The following SEC63 variants were observed in gnomAD, a reference collection of about 807,000 sequenced individuals.
SEC63 encodes the protein translocation protein SEC63 homolog.
In SEC63, 56 loss-of-function variants were observed where a neutral mutation model predicts 116.2. That is an observed-to-expected ratio of 0.48 (90% CI 0.39 to 0.60). SEC63 has a LOEUF of 0.60. Among genes scored for constraint, SEC63 ranks in the 20% least tolerant of loss-of-function variants. The probability of loss-of-function intolerance (pLI) is 0.00; values close to 1 mark genes in which losing one functional copy is unlikely to be tolerated. For missense variants in SEC63, 668 were observed against 900.0 expected, an observed-to-expected ratio of 0.74 and a Z score of 3.30; for synonymous variants, 273 against 294.6, an observed-to-expected ratio of 0.93 and a Z score of 0.75.
At chr6:107,935,185 G>C (rs915992097) in intron 1 of SEC63, among the ~76,000 whole-genome samples, 22 of 150,314 alleles carry the variant, frequency 1.5e-4, no homozygotes, top group African/African-American at 4.9e-4. Flanking sequence ...TCAGCCCCCC[G>C]CCCGGCCAGC....
rs1269802227 is a variant in SEC63 at position 107,871,366 on chromosome 6, C to CTG, written c.*336_*337dup. On this transcript the variant is annotated 3_prime_UTR_variant, in exon 21 of 21. Transcript: ENST00000369002. ...CAAAGAAAAGTCGCTCATTTACAGA[C>CTG]TGTGTTTCCTGCATCTTTACTTTTA... 1 of 260,952 alleles carries CTG rather than the reference C, an allele frequency of 3.8e-6. No homozygotes were observed. Among genetic ancestry groups the CTG allele is most frequent in the African/African-American group, 2.2e-5 (1 of 45,038 alleles). The allele number at this position is 260,952 out of a possible 1,614,324, so 16.2% of individuals were successfully genotyped here.
chr6:107,910,975 T>A (rs1787270694), intron 7 of SEC63, among the ~76,000 whole-genome samples: 1 of 152,160 alleles, frequency 6.6e-6, no homozygotes. Context: ...CCTCCCAATG[T>A]GCTGGGATTA....
At chr6:107,897,413 T>C (rs530492954) in intron 14 of SEC63, among the ~76,000 whole-genome samples, 22 of 152,354 alleles carry the variant, frequency 1.4e-4, no homozygotes, top group African/African-American at 4.8e-4. Flanking sequence ...CATTACTTTG[T>C]TATGATTATG....
At position 107,913,433 on chromosome 6, in the gene SEC63, A is replaced by G. The variant is rs1787330758; in HGVS notation, c.453-6T>C. ...GGGACTCTTCATCCGTTAAACTAGC[A>G]TCAAAAGAACAAAGTTGCAAAATTA... On this transcript the variant is annotated splice_polypyrimidine_tract_variant and splice_region_variant and intron_variant, in intron 4 of 20. Coordinates refer to ENST00000369002, the MANE Select transcript of SEC63 (RefSeq NM_007214.5). 1 of 1,611,754 alleles carries G rather than the reference A, an allele frequency of 6.2e-7. No homozygotes were observed. The highest frequency in any genetic ancestry group is 1.3e-5 in the African/African-American group (1 of 74,892).
At chr6:107,919,887 T>C (rs961537106) in intron 4 of SEC63, among the ~76,000 whole-genome samples, 1 of 151,734 alleles carries the variant, frequency 6.6e-6, no homozygotes. Context: ...TAGCATCACA[T>C]GCTAGAGAAA....
chr6:107,888,318 AG>A (rs1174182437), intron 16 of SEC63, among the ~76,000 whole-genome samples: 2 of 151,994 alleles, frequency 1.3e-5, no homozygotes, highest in South Asian at 2.1e-4. Context: ...ATCCCTTTTA[AG>A]TTGTATTCCT....
intron 1 of SEC63, among the ~76,000 whole-genome samples, chr6:107,939,392 T>C (rs573411760): frequency 4.1e-4 from 62 of 152,358 alleles, no homozygotes; most frequent in African/African-American, 1.4e-3. Flanking sequence ...ATTAGCTTAT[T>C]CGATGTATAG....
chr6:107,910,144 C>T (rs542356558), intron 7 of SEC63, among the ~76,000 whole-genome samples: 30 of 152,096 alleles, frequency 2.0e-4, no homozygotes, highest in Admixed American at 8.5e-4. Context: ...GGTGGTAGTG[C>T]GGGAAGACTT....
intron 1 of SEC63, among the ~76,000 whole-genome samples, chr6:107,948,007 G>A (rs1770510772): frequency 6.6e-6 from 1 of 152,082 alleles, no homozygotes; most frequent in East Asian, 1.9e-4. Context: ...GGTCGTAAGT[G>A]CCAATCACAT....
intron 16 of SEC63, among the ~76,000 whole-genome samples, chr6:107,888,388 CTGTT>C (rs1198084343): frequency 1.3e-5 from 2 of 152,088 alleles, no homozygotes; most frequent in South Asian, 2.1e-4. Flanking sequence ...ATTTGGCTCT[CTGTT>C]TGTATGTTAT....
intron 1 of SEC63, among the ~76,000 whole-genome samples, chr6:107,930,712 G>A (rs981013576): frequency 6.6e-6 from 1 of 151,956 alleles, no homozygotes; most frequent in Admixed American, 6.6e-5. Context: ...TAGGTTTATG[G>A]GGTCAGGCAC....
intron 1 of SEC63, among the ~76,000 whole-genome samples, chr6:107,934,393 G>A (rs1442985722): frequency 1.3e-5 from 2 of 150,786 alleles, no homozygotes; most frequent in African/African-American, 4.9e-5. Flanking sequence ...CTGAGATGTG[G>A]GAAGCGTCTG....
chr6:107,933,865 C>A (rs999438097), intron 1 of SEC63, among the ~76,000 whole-genome samples: 1 of 152,210 alleles, frequency 6.6e-6, no homozygotes, highest in Admixed American at 6.5e-5. Flanking sequence ...CGATTGCAGG[C>A]GCGCGCCGCC....
intron 1 of SEC63, among the ~76,000 whole-genome samples, chr6:107,952,059 T>C (rs898235545): frequency 6.6e-6 from 1 of 152,192 alleles, no homozygotes; most frequent in African/African-American, 2.4e-5. Flanking sequence ...AAGCCCTCCG[T>C]GTTATCATTG....
intron 3 of SEC63, among the ~76,000 whole-genome samples, chr6:107,922,977 T>A (rs904451216): frequency 6.6e-6 from 1 of 151,046 alleles, no homozygotes; most frequent in Non-Finnish European, 1.5e-5. Flanking sequence ...ACACAAATTA[T>A]CCAGGCCTCA....
chr6:107,881,252 T>A lies in SEC63; in HGVS notation c.1834-2A>T. On this transcript the variant is annotated splice_acceptor_variant, in intron 17 of 20. Transcript: ENST00000369002. LOFTEE classifies it high-confidence loss of function. Reference sequence around the variant, plus strand: ...GCTTTGTTGTAATTCTTGCCACTCCTAGTAAACAAAAAAATTAAAATATTT... The same window carrying A: ...GCTTTGTTGTAATTCTTGCCACTCCAAGTAAACAAAAAAATTAAAATATTT... 1 of 1,593,818 alleles carries A rather than the reference T, an allele frequency of 6.3e-7. No homozygotes were observed. The highest frequency in any genetic ancestry group is 8.6e-7 in the Non-Finnish European group (1 of 1,162,834).
rs760506224 is a variant in SEC63, at chr6:107,921,860, T to G, written c.389A>C (p.Lys130Thr). The G allele has an allele frequency of 6.2e-7, 1 of 1,612,774 alleles. No individual in the cohort carries two copies. The highest frequency in any genetic ancestry group is 1.1e-5 in the South Asian group (1 of 91,062). Reference sequence around the variant, plus strand: ...ATCACCTCCTTTATCTGGATGATATTTAAGTGACAGCAAACGATATTGTTT... The same window carrying G: ...ATCACCTCCTTTATCTGGATGATATGTAAGTGACAGCAAACGATATTGTTT... ...IKKQYRLLSL[K>T]YHPDKGGDEV... is the part of the protein sequence containing the mutation. The change falls in exon 4 of 21, where the codon AAA becomes ACA. Residue 130 changes from lysine to threonine, a missense_variant. By Grantham distance (78) the Lys-to-Thr change is moderately conservative (BLOSUM62 -1). This residue lies in a region of SEC63 where 142 missense variants were observed against 169.5 expected (regional missense o/e 0.84). Transcript: ENST00000369002.
At chr6:107,940,814 C>T (rs1562338814) in intron 1 of SEC63, among the ~76,000 whole-genome samples, 1 of 149,624 alleles carries the variant, frequency 6.7e-6, no homozygotes, top group Non-Finnish European at 1.5e-5. Context: ...AAAAGACTCG[C>T]TGCAGTATCT....
At chr6:107,947,394 T>G (rs1770499287) in intron 1 of SEC63, among the ~76,000 whole-genome samples, 1 of 152,090 alleles carries the variant, frequency 6.6e-6, no homozygotes, top group Non-Finnish European at 1.5e-5. Flanking sequence ...AACAGGAGAC[T>G]GAGATAACCC....
Sources: gnomAD v4.1 joint callset for allele counts (sites outside exome capture counted in the v4.1 genomes callset) on GRCh38, gnomAD v4.1.1 for gene constraint, gnomAD v4.1.1 regional missense constraint, MANE v1.5 for transcripts, NCBI Gene and HGNC (gene_info 2026-07-23, HGNC 2026-07-21) for gene names.